The following LRRTM4 variants were observed in gnomAD, a reference collection of about 807,000 sequenced individuals.
The protein encoded by LRRTM4 is leucine rich repeat transmembrane neuronal 4.
A neutral mutation model predicts 47.6 loss-of-function variants in LRRTM4; 25 were observed. The ratio of observed to expected loss-of-function variants is 0.53; its 90% confidence interval spans 0.38 to 0.73. The LOEUF (loss-of-function observed/expected upper bound fraction) is 0.73. Among genes scored for constraint, LRRTM4 ranks in the 30% least tolerant of loss-of-function variants. The pLI, the probability that LRRTM4 is intolerant of heterozygous loss-of-function variation, is 0.00. For synonymous variants in LRRTM4, 311 were observed against 269.5 expected (o/e 1.15, Z -1.51); for missense variants, 638 against 713.4 (o/e 0.89, Z 1.20).
chr2:76,830,914 A>G (rs1671332325), intron 3 of LRRTM4, among the ~76,000 whole-genome samples: 1 of 152,052 alleles, frequency 6.6e-6, no homozygotes, highest in Non-Finnish European at 1.5e-5. Context: ...ATATGAAAAT[A>G]TAAACAATGC....
At chr2:76,994,743 C>T (rs909429146) in intron 3 of LRRTM4, among the ~76,000 whole-genome samples, 7 of 151,860 alleles carry the variant, frequency 4.6e-5, no homozygotes, top group African/African-American at 7.2e-5. Context: ...ATTTTATGAA[C>T]GTGGTATTTA....
intron 3 of LRRTM4, among the ~76,000 whole-genome samples, chr2:77,298,162 A>G (rs925767863): frequency 6.6e-6 from 1 of 152,216 alleles, no homozygotes; most frequent in Non-Finnish European, 1.5e-5. Flanking sequence ...TCTATTATCA[A>G]ACGAATACAT....
At chr2:76,900,149 G>A (rs28533805) in intron 3 of LRRTM4, among the ~76,000 whole-genome samples, 640 of 152,106 alleles carry the variant, frequency 4.2e-3, no homozygotes, top group African/African-American at 0.015. Context: ...TGGGAGATTG[G>A]CTTGAATCTG....
intron 3 of LRRTM4, among the ~76,000 whole-genome samples, chr2:77,028,003 C>G (rs946235722): frequency 1.3e-5 from 2 of 151,110 alleles, no homozygotes; most frequent in African/African-American, 4.9e-5. Context: ...TACAAACTTG[C>G]AATAATTTAA....
At chr2:77,179,317 AT>A (rs1278294631) in intron 3 of LRRTM4, among the ~76,000 whole-genome samples, 1 of 152,210 alleles carries the variant, frequency 6.6e-6, no homozygotes, top group Non-Finnish European at 1.5e-5. Context: ...AGGAAATCTA[AT>A]TTGGCATTGT....
At chr2:76,959,397 TAA>T (rs1220725516) in intron 3 of LRRTM4, among the ~76,000 whole-genome samples, 1 of 151,406 alleles carries the variant, frequency 6.6e-6, no homozygotes, top group Non-Finnish European at 1.5e-5. Context: ...AGGTGGGTGA[TAA>T]GACTGATATC....
In LRRTM4 at chr2:77,103,667, A is replaced by ATC. The variant is rs1553389714; in HGVS notation, c.1552-354752_1552-354751insGA. Among the ~76,000 whole-genome samples, 1,362 of 146,278 alleles carry ATC rather than the reference A, an allele frequency of 9.3e-3. 29 individuals carry two copies. The highest frequency in any genetic ancestry group is 0.039 in the Middle Eastern group (11 of 280). On this transcript the variant is annotated intron_variant, in intron 3 of 3. Coordinates refer to ENST00000409884, the MANE Select transcript of LRRTM4 (RefSeq NM_001134745.3). ...TGAGTGTATATATATATATATAGATATATATATCACATATATGTATATATA... is the reference window on the plus strand; with the variant it reads ...TGAGTGTATATATATATATATAGATATCTATATATCACATATATGTATATATA...
intron 3 of LRRTM4, among the ~76,000 whole-genome samples, chr2:77,408,140 T>C (rs1363377881): frequency 6.6e-6 from 1 of 152,080 alleles, no homozygotes; most frequent in Admixed American, 6.6e-5. Flanking sequence ...TAAAAATCAG[T>C]TTTTGGCACA....
At chr2:76,815,502 A>G (rs1017814643) in intron 3 of LRRTM4, among the ~76,000 whole-genome samples, 1 of 152,110 alleles carries the variant, frequency 6.6e-6, no homozygotes, top group Non-Finnish European at 1.5e-5. Flanking sequence ...AACTGGAATG[A>G]CTGGATACCT....
intron 3 of LRRTM4, among the ~76,000 whole-genome samples, chr2:76,991,398 T>G (rs1451732557): frequency 6.6e-6 from 1 of 151,538 alleles, no homozygotes; most frequent in South Asian, 2.1e-4. Flanking sequence ...GACCACTAGC[T>G]AGACTAACAA....
At chr2:76,804,728 TATC>T (rs1675878895) in intron 3 of LRRTM4, among the ~76,000 whole-genome samples, 1 of 145,426 alleles carries the variant, frequency 6.9e-6, no homozygotes, top group African/African-American at 2.5e-5. Flanking sequence ...AACAATGATA[TATC>T]ATGTTTTATA....
At chr2:77,421,421 G>A (rs141532680) in intron 3 of LRRTM4, among the ~76,000 whole-genome samples, 3 of 152,228 alleles carry the variant, frequency 2.0e-5, no homozygotes, top group South Asian at 4.1e-4. Context: ...GGAAGGAAGA[G>A]TCCAGGCCGG....
At chr2:76,961,559 G>A (rs1675861496) in intron 3 of LRRTM4, among the ~76,000 whole-genome samples, 1 of 151,262 alleles carries the variant, frequency 6.6e-6, no homozygotes, top group African/African-American at 2.4e-5. Context: ...GAAGCATCCT[G>A]GGCAACCTAA....
intron 3 of LRRTM4, among the ~76,000 whole-genome samples, chr2:76,832,018 A>G (rs981348854): frequency 6.6e-6 from 1 of 152,062 alleles, no homozygotes; most frequent in African/African-American, 2.4e-5. Context: ...ATATTTTACC[A>G]ATTTTTATGA....
intron 3 of LRRTM4, among the ~76,000 whole-genome samples, chr2:77,489,005 TA>T (rs5832284): frequency 0.99 from 149,572 of 151,490 alleles, 73,851 homozygotes; most frequent in Middle Eastern, 1. Flanking sequence ...ATAATAATAA[TA>T]AAAAAAATAA....
At chr2:77,502,747 G>A (rs1163178031) in intron 3 of LRRTM4, among the ~76,000 whole-genome samples, 1 of 151,548 alleles carries the variant, frequency 6.6e-6, no homozygotes, top group Non-Finnish European at 1.5e-5. Context: ...ATCTCAAATT[G>A]GGTACATCTC....
At chr2:77,376,578 A>G (rs1672849800) in intron 3 of LRRTM4, among the ~76,000 whole-genome samples, 1 of 151,602 alleles carries the variant, frequency 6.6e-6, no homozygotes, top group East Asian at 1.9e-4. Context: ...ATATTTTAGA[A>G]TGTCCCTCAG....
At chr2:77,457,038 A>ATG (rs1558752096) in intron 3 of LRRTM4, among the ~76,000 whole-genome samples, 1 of 25,086 alleles carries the variant, frequency 4.0e-5, no homozygotes, top group East Asian at 7.7e-4. Context: ...ATATATATAT[A>ATG]TATATATATA....
At chr2:76,793,286 G>A (rs569916514) in intron 3 of LRRTM4, among the ~76,000 whole-genome samples, 1 of 152,210 alleles carries the variant, frequency 6.6e-6, no homozygotes, top group East Asian at 1.9e-4. Flanking sequence ...GATACCAAGG[G>A]TGTGGGTCAT....
Sources: allele counts gnomAD v4.1 joint callset (sites outside exome capture counted in the v4.1 genomes callset), GRCh38; gene constraint gnomAD v4.1.1; transcripts MANE v1.5; gene names NCBI Gene and HGNC (gene_info 2026-07-23, HGNC 2026-07-21).